The following FOXJ3 variants were observed in gnomAD, a reference collection of about 807,000 sequenced individuals.
The protein encoded by FOXJ3 is forkhead box J3.
Under a neutral mutation model 76.1 loss-of-function variants are expected in FOXJ3, and 22 were observed. That is an observed-to-expected ratio of 0.29 (90% CI 0.21 to 0.41). FOXJ3 has a LOEUF of 0.41. Among genes scored for constraint, FOXJ3 ranks in the 10% least tolerant of loss-of-function variants. The pLI is 1.00. For missense variants in FOXJ3, 613 were observed against 762.1 expected (o/e 0.80, Z 2.30); for synonymous variants, 269 against 261.2 (o/e 1.03, Z -0.29).
chr1:42,181,768 G>GAC (rs1191117959), intron 12 of FOXJ3, 149 bp downstream of exon 12: 3 of 533,358 alleles, frequency 5.6e-6, no homozygotes, highest in East Asian at 3.2e-5. Flanking sequence ...GGTAACAACT[G>GAC]ACACACACAC....
intron 1 of FOXJ3, among the ~76,000 whole-genome samples, chr1:42,329,826 C>T (rs1656050981): frequency 6.6e-6 from 1 of 152,226 alleles, no homozygotes; most frequent in African/African-American, 2.4e-5. Flanking sequence ...TCCCCAACTA[C>T]ATTCAAAATC....
In FOXJ3 at chr1:42,177,779, GCA is replaced by G. The variant is rs1159171248; in HGVS notation, c.*1929_*1930del. 5.3e-5 allele frequency: 8 copies of G among 151,990 alleles called. No individual in the cohort carries two copies. Among genetic ancestry groups the G allele is most frequent in the African/African-American group, 1.9e-4 (8 of 41,220 alleles). The allele number at this position is 151,990 out of a possible 1,614,324, so 9.4% of individuals were successfully genotyped here. A position where few individuals can be genotyped will look rare whatever the true frequency, so the allele number is the denominator to read the frequency against. Reference sequence around the variant, plus strand: ...AAAACACACACACACACACGCGCGCGCACACTCTCACACACAGCACACACACA... The same window carrying G: ...AAAACACACACACACACACGCGCGCGCACTCTCACACACAGCACACACACA... On this transcript the variant is annotated 3_prime_UTR_variant, in exon 13 of 13. Coordinates refer to ENST00000361346, the MANE Select transcript of FOXJ3 (RefSeq NM_014947.5).
chr1:42,271,515 T>A (rs1651864567), intron 3 of FOXJ3, among the ~76,000 whole-genome samples: 1 of 152,168 alleles, frequency 6.6e-6, no homozygotes, highest in South Asian at 2.1e-4. Context: ...ATAATATTAT[T>A]CCTTTTTTAC....
At chr1:42,196,698 C>A (rs1409238212) in intron 7 of FOXJ3, among the ~76,000 whole-genome samples, 4 of 152,024 alleles carry the variant, frequency 2.6e-5, no homozygotes, top group African/African-American at 9.7e-5. Flanking sequence ...ATCTCAAAAA[C>A]AACAAAAAAA....
intron 4 of FOXJ3, among the ~76,000 whole-genome samples, chr1:42,246,742 C>T (rs112483210): frequency 0.021 from 3,173 of 152,002 alleles, 112 homozygotes; most frequent in African/African-American, 0.073. Context: ...CCTGCAACCC[C>T]ATGTTTACTG....
chr1:42,296,213 C>T (rs546213663), intron 2 of FOXJ3, among the ~76,000 whole-genome samples: 6 of 152,072 alleles, frequency 3.9e-5, no homozygotes, highest in Admixed American at 6.5e-5. Flanking sequence ...ATTAGAGTTC[C>T]GTGTAGATTC....
chr1:42,214,907 C>A, intron 5 of FOXJ3, among the ~76,000 whole-genome samples: 1 of 152,194 alleles, frequency 6.6e-6, no homozygotes, highest in Non-Finnish European at 1.5e-5. Context: ...TACAGATCTG[C>A]ATCAAAGTAG....
chr1:42,299,646 G>A (rs758556991), intron 2 of FOXJ3, among the ~76,000 whole-genome samples: 10 of 151,648 alleles, frequency 6.6e-5, no homozygotes, highest in Non-Finnish European at 1.3e-4. Context: ...GGTGGCTAAT[G>A]CCCGTAATCC....
intron 3 of FOXJ3, among the ~76,000 whole-genome samples, chr1:42,267,070 ACT>A (rs376961854): frequency 7.9e-5 from 12 of 152,108 alleles, no homozygotes; most frequent in African/African-American, 2.7e-4. Flanking sequence ...GAGGCGCGAA[ACT>A]CTCACCCAAA....
At chr1:42,285,705 T>G (rs1653010847) in intron 2 of FOXJ3, among the ~76,000 whole-genome samples, 2 of 128,162 alleles carry the variant, frequency 1.6e-5, no homozygotes, top group Non-Finnish European at 3.7e-5. Flanking sequence ...ACAATGAAAA[T>G]CTTCCCAAAG....
At chr1:42,305,699 T>C (rs1654414325) in intron 2 of FOXJ3, among the ~76,000 whole-genome samples, 1 of 152,156 alleles carries the variant, frequency 6.6e-6, no homozygotes, top group South Asian at 2.1e-4. Flanking sequence ...GGATCGTTGG[T>C]TACCAGAGGC....
intron 12 of FOXJ3, 46 bp downstream of exon 12, chr1:42,181,871 A>ACT (rs1646328949): frequency 1.8e-6 from 2 of 1,142,436 alleles, no homozygotes; most frequent in Admixed American, 4.0e-5. Flanking sequence ...GTGCTCACAC[A>ACT]CACACACACA....
chr1:42,225,011 G>C (rs891653498), intron 5 of FOXJ3, among the ~76,000 whole-genome samples: 1 of 151,654 alleles, frequency 6.6e-6, no homozygotes, highest in Non-Finnish European at 1.5e-5. Context: ...CCGGGAGGTA[G>C]AGGCTGCAGT....
At chr1:42,189,498 C>A in intron 9 of FOXJ3, 94 bp from the exon 10 acceptor site, 1 of 861,800 alleles carries the variant, frequency 1.2e-6, no homozygotes, top group South Asian at 1.5e-5. Flanking sequence ...CTGAAATTGG[C>A]TGATTCTTGT....
At chr1:42,228,422 G>A (rs1389396273) in intron 4 of FOXJ3, among the ~76,000 whole-genome samples, 3 of 152,054 alleles carry the variant, frequency 2.0e-5, no homozygotes, top group Admixed American at 6.6e-5. Flanking sequence ...GAGAAGCAAT[G>A]ATACGTACAT....
intron 5 of FOXJ3, among the ~76,000 whole-genome samples, chr1:42,211,972 G>C (rs1569882158): frequency 6.6e-6 from 1 of 152,242 alleles, no homozygotes; most frequent in Non-Finnish European, 1.5e-5. Context: ...AATTAGAAGT[G>C]TCTGGGCACA....
Position 42,191,688 on chromosome 1 carries a change from C to T in FOXJ3, c.966G>A (p.Gln322=). The T allele has an allele frequency of 1.9e-6, 3 of 1,613,588 alleles. No homozygotes were observed. The highest frequency in any genetic ancestry group is 2.5e-6 in the Non-Finnish European group (3 of 1,179,640). Residue 322 remains glutamine (Q), a synonymous_variant, in exon 9 of 13, where the codon CAG becomes CAA. Coordinates refer to ENST00000361346, the MANE Select transcript of FOXJ3 (RefSeq NM_014947.5). ...GATAGGTACATGAAGTGTGGGACTG[C>T]TGGGAAGATTCAGAAGGGATGTTCA... ...GLMNIPSESS[Q]QSHTSCTYQH...
chr1:42,219,471 C>CTA (rs1368338259), intron 5 of FOXJ3, among the ~76,000 whole-genome samples: 2 of 152,176 alleles, frequency 1.3e-5, no homozygotes, highest in Non-Finnish European at 2.9e-5. Context: ...GGTCTTGGAA[C>CTA]GTATACCCCT....
intron 4 of FOXJ3, among the ~76,000 whole-genome samples, chr1:42,252,651 T>C (rs1014436153): frequency 2.0e-5 from 3 of 151,974 alleles, no homozygotes; most frequent in South Asian, 2.1e-4. Flanking sequence ...ATTTTAGTTA[T>C]TTCTTGCCTT....
Sources: allele counts gnomAD v4.1 joint callset (sites outside exome capture counted in the v4.1 genomes callset), GRCh38; gene constraint gnomAD v4.1.1; transcripts MANE v1.5; gene names NCBI Gene and HGNC (gene_info 2026-07-23, HGNC 2026-07-21).